MTFR2: variants seen among roughly 807,000 people sequenced by gnomAD.
MTFR2 encodes the protein DUF729 domain-containing protein 1.
A neutral mutation model predicts 41.2 loss-of-function variants in MTFR2; 44 were observed. The ratio of observed to expected loss-of-function variants is 1.07; its 90% CI spans 0.84 to 1.37. MTFR2 has a LOEUF of 1.37. Ranked by LOEUF, MTFR2 falls within the 40% of genes most tolerant of loss-of-function variation. MTFR2 has a pLI of 0.00. For synonymous variants in MTFR2, 141 were observed against 154.6 expected, an observed-to-expected ratio of 0.91 and a Z score of 0.65; for missense variants, 452 against 459.5, an observed-to-expected ratio of 0.98 and a Z score of 0.15.
At chr6:136,241,098 A>C (rs1335239151) in intron 5 of MTFR2, among the ~76,000 whole-genome samples, 1 of 152,130 alleles carries the variant, frequency 6.6e-6, no homozygotes, top group East Asian at 1.9e-4. Context: ...CTCAAAAAAA[A>C]AAAAAAAAAG....
chr6:136,243,098 A>G (rs1244397913), intron 3 of MTFR2, 125 bp from the exon 4 acceptor site: 1 of 567,854 alleles, frequency 1.8e-6, no homozygotes, highest in Admixed American at 3.9e-5. Context: ...TTCAATAGAA[A>G]AACATGTACC....
chr6:136,231,170 T>C lies in MTFR2; in HGVS notation c.*105A>G. On this transcript the variant is annotated 3_prime_UTR_variant, in exon 8 of 8. Coordinates refer to ENST00000420702, the MANE Select transcript of MTFR2 (RefSeq NM_001099286.3). Reference sequence around the variant, plus strand: ...GGCAAAATGTGTCAAGAAGAGTCTTTAAATACATCTACTTTTAGCCTTTAA... The same window carrying C: ...GGCAAAATGTGTCAAGAAGAGTCTTCAAATACATCTACTTTTAGCCTTTAA... The C allele has an allele frequency of 1.4e-6, 1 of 718,316 alleles. No homozygotes were observed. The highest frequency in any genetic ancestry group is 1.9e-5 in the South Asian group (1 of 53,450). 44.5% of individuals were successfully genotyped at this position (718,316 alleles called of 1,614,324 possible). A position where few individuals can be genotyped will look rare whatever the true frequency, so the allele number is the denominator to read the frequency against.
chr6:136,243,657 G>A (rs866398439), intron 3 of MTFR2, among the ~76,000 whole-genome samples: 2 of 151,400 alleles, frequency 1.3e-5, no homozygotes, highest in African/African-American at 4.9e-5. Flanking sequence ...AGGCTGCAGT[G>A]AGCCGTTATC....
In MTFR2 at chr6:136,240,832, C is replaced by T. The variant is rs111768302; in HGVS notation, c.514+612G>A. On this transcript the variant is annotated intron_variant, in intron 5 of 7. Transcript: ENST00000420702. ...GAGGGCCGGGCGCGGTGGCTCACGCCTGTAATCCCAGCACTTTGGGAGGCC... is the reference window on the plus strand; with the variant it reads ...GAGGGCCGGGCGCGGTGGCTCACGCTTGTAATCCCAGCACTTTGGGAGGCC... Among the ~76,000 whole-genome samples the T allele has an allele frequency of 1.2e-3, 185 of 152,328 alleles. 1 individual carries two copies. Among genetic ancestry groups the T allele is most frequent in the Non-Finnish European group, 2.0e-3 (133 of 68,036 alleles).
intron 5 of MTFR2, 148 bp downstream of exon 5, chr6:136,241,296 C>G (rs1780063220): frequency 1.6e-6 from 1 of 608,602 alleles, no homozygotes; most frequent in East Asian, 2.9e-5. Context: ...TTTCATGGTA[C>G]TTATTCAGAA....
At chr6:136,247,460 C>T in intron 2 of MTFR2, 1 of 454,296 alleles carries the variant, frequency 2.2e-6, no homozygotes, top group Non-Finnish European at 4.4e-6. Context: ...TGCCCAACTA[C>T]CTTCTCAAAG....
rs764589180 is a variant in MTFR2, at chr6:136,239,684, C to G, written c.651G>C (p.Gln217His). 4 of 1,613,732 alleles carry G rather than the reference C, an allele frequency of 2.5e-6. No homozygotes were observed. Among genetic ancestry groups the G allele is most frequent in the South Asian group, 1.1e-5 (1 of 91,070 alleles). The change falls in exon 6 of 8, where the codon CAG (glutamine) becomes CAC (histidine). Residue 217 changes from glutamine (Q) to histidine (H), a missense_variant. Coordinates refer to ENST00000420702, the MANE Select transcript of MTFR2 (RefSeq NM_001099286.3). The stretch of plus-strand genomic sequence containing the variant: ...AACACGGTGGCTGGAGAGATGAAAA[C>G]TGAGGAGGAAGTGGTGGAGGAGGAG... ...SPPPPPPLPP[Q>H]FSSLQPPCFP...
At chr6:136,233,618 G>A (rs1298291694) in intron 6 of MTFR2, 119 bp from the exon 7 acceptor site, 2 of 757,258 alleles carry the variant, frequency 2.6e-6, no homozygotes, top group Non-Finnish European at 3.8e-6. Context: ...TCAAGAGATT[G>A]AAAATAATCT....
At chr6:136,240,919 G>A (rs7753016) in intron 5 of MTFR2, among the ~76,000 whole-genome samples, 13,004 of 144,284 alleles carry the variant, frequency 0.09, 1,207 homozygotes, top group African/African-American at 0.34. Flanking sequence ...GTGAAACCCC[G>A]TCTCTACTAA....
rs1253115418 is a variant in MTFR2, at chr6:136,250,277, G to GGACCGGACTGCTACTTCCGCAT, written c.-378_-357dup. On this transcript the variant is annotated 5_prime_UTR_variant, in exon 1 of 8. It adds an upstream start codon to the 5' untranslated region. Coordinates refer to ENST00000420702, the MANE Select transcript of MTFR2 (RefSeq NM_001099286.3). ...CAACCAACCCACCTGCTAGTCCCTAGGACCGGACTGCTACTTCCGCATGAC... is the reference window on the plus strand; with the variant it reads ...CAACCAACCCACCTGCTAGTCCCTAGGACCGGACTGCTACTTCCGCATGACCGGACTGCTACTTCCGCATGAC... 4 of 152,580 alleles carry GGACCGGACTGCTACTTCCGCAT rather than the reference G, an allele frequency of 2.6e-5. No individual in the cohort carries two copies. Among genetic ancestry groups the GGACCGGACTGCTACTTCCGCAT allele is most frequent in the South Asian group, 2.1e-4 (1 of 4,822 alleles). The allele number at this position is 152,580 out of a possible 1,614,324, so 9.5% of individuals were successfully genotyped here. A position where few individuals can be genotyped will look rare whatever the true frequency, so the allele number is the denominator to read the frequency against.
At chr6:136,233,522 G>A (rs1779825138) in intron 6 of MTFR2, 23 bp from the exon 7 acceptor site, 2 of 1,448,846 alleles carry the variant, frequency 1.4e-6, no homozygotes, top group African/African-American at 2.8e-5. Flanking sequence ...AAAAAAAATT[G>A]AATTTATTAA....
At chr6:136,240,867 A>T (rs12526395) in intron 5 of MTFR2, among the ~76,000 whole-genome samples, 7 of 151,126 alleles carry the variant, frequency 4.6e-5, no homozygotes, top group Non-Finnish European at 5.9e-5. Flanking sequence ...CAAGGCGGGC[A>T]GATCACGAGG....
At chr6:136,238,186 T>C (rs1317447742) in intron 6 of MTFR2, among the ~76,000 whole-genome samples, 1 of 152,220 alleles carries the variant, frequency 6.6e-6, no homozygotes, top group East Asian at 1.9e-4. Flanking sequence ...GGAAGCAAAC[T>C]AAATGTCTAT....
chr6:136,238,842 A>G (rs1170404453), intron 6 of MTFR2, among the ~76,000 whole-genome samples: 3 of 152,056 alleles, frequency 2.0e-5, no homozygotes, highest in Non-Finnish European at 4.4e-5. Context: ...CAACATGGGC[A>G]GATCGCTTGA....
At chr6:136,243,018 C>G (rs1242774599) in intron 3 of MTFR2, 45 bp from the exon 4 acceptor site, 1 of 1,297,804 alleles carries the variant, frequency 7.7e-7, no homozygotes, top group Non-Finnish European at 1.1e-6. Flanking sequence ...TGCAGGGAGT[C>G]AGGAGAAGAC....
chr6:136,233,181 A>C (rs1053504791), intron 7 of MTFR2, 144 bp downstream of exon 7: 12 of 583,308 alleles, frequency 2.1e-5, no homozygotes, highest in Non-Finnish European at 3.0e-5. Flanking sequence ...CAACAAAAAA[A>C]CCCCAGAAAC....
rs752833139 is a variant in MTFR2, at chr6:136,233,458, TTC to T, written c.909_910del (p.Asn304PhefsTer14). 2.5e-6 allele frequency: 4 copies of T among 1,585,850 alleles called. No homozygotes were observed. Among genetic ancestry groups the T allele is most frequent in the Non-Finnish European group, 3.4e-6 (4 of 1,160,896 alleles). On this transcript the variant is annotated frameshift_variant, in exon 7 of 8. Coordinates refer to ENST00000420702, the MANE Select transcript of MTFR2 (RefSeq NM_001099286.3). LOFTEE classifies it high-confidence loss of function. ...TAAAGAAACTGGATCCCAATGTGAATTCTGTCTTTTCCTCTTATGAATGGGTC... is the reference window on the plus strand; with the variant it reads ...TAAAGAAACTGGATCCCAATGTGAATTGTCTTTTCCTCTTATGAATGGGTC...
chr6:136,232,923 G>A lies in MTFR2; in HGVS notation c.1044+402C>T, dbSNP rs73779614. On this transcript the variant is annotated intron_variant, in intron 7 of 7. Transcript: ENST00000420702. ...CATTATATTCAACAAAATATCCAAA[G>A]TCTGTATATTTGACAGAGAAAAATC... Among the ~76,000 whole-genome samples the A allele has an allele frequency of 7.8e-3, 1,191 of 152,182 alleles. 10 individuals are homozygous for A. Among genetic ancestry groups the A allele is most frequent in the African/African-American group, 0.026 (1,071 of 41,516 alleles).
rs374864482 is a variant in MTFR2 at position 136,242,831 on chromosome 6, C to T, written c.281+30G>A. ...CACATGCAAGAATTCAGTTTATAGC[C>T]CACTTCCCAAGATAAGCATATAAAA... On this transcript the variant is annotated intron_variant, in intron 4 of 7. Coordinates refer to ENST00000420702, the MANE Select transcript of MTFR2 (RefSeq NM_001099286.3). The T allele has an allele frequency of 1.3e-5, 20 of 1,534,570 alleles. No individual in the cohort carries two copies. The African/African-American group carries it at 2.5e-4, about 19-fold the overall frequency.
Sources: gnomAD v4.1 joint callset for allele counts (sites outside exome capture counted in the v4.1 genomes callset) on GRCh38, gnomAD v4.1.1 for gene constraint, MANE v1.5 for transcripts, NCBI Gene and HGNC (gene_info 2026-07-23, HGNC 2026-07-21) for gene names.